DYSF: variants seen among roughly 807,000 people sequenced by gnomAD.
The protein encoded by DYSF is dystrophy-associated fer-1-like 1.
DYSF carries 212 observed loss-of-function variants against 274.9 expected under a neutral mutation model. The ratio of observed to expected loss-of-function variants is 0.77; its 90% CI spans 0.69 to 0.86. The LOEUF (loss-of-function observed/expected upper bound fraction) is 0.86. DYSF is among the 40% of genes least tolerant of loss of function. DYSF has a pLI of 0.00. For missense variants in DYSF, 2,666 were observed against 2,783.2 expected, an observed-to-expected ratio of 0.96 and a Z score of 0.95; for synonymous variants, 1,091 against 1,078.7, an observed-to-expected ratio of 1.01 and a Z score of -0.22.
At chr2:71,507,119 G>C (rs747025838) in intron 4 of DYSF, among the ~76,000 whole-genome samples, 1 of 152,158 alleles carries the variant, frequency 6.6e-6, no homozygotes, top group Non-Finnish European at 1.5e-5. Flanking sequence ...CAGTGCTGAG[G>C]AGCTGGCACT....
At chr2:71,530,060 C>T (rs918735192) in intron 14 of DYSF, among the ~76,000 whole-genome samples, 1 of 152,138 alleles carries the variant, frequency 6.6e-6, no homozygotes, top group Non-Finnish European at 1.5e-5. Context: ...TAAACTCGTT[C>T]ATGTGGAGGT....
At chr2:71,502,121 GTT>G (rs2085042755) in intron 3 of DYSF, among the ~76,000 whole-genome samples, 1 of 136,618 alleles carries the variant, frequency 7.3e-6, no homozygotes. Flanking sequence ...GTGTGTGTGT[GTT>G]TATAATAGCC....
At chr2:71,601,372 A>G in intron 34 of DYSF, 127 bp from the exon 35 acceptor site, 7 of 1,264,452 alleles carry the variant, frequency 5.5e-6, no homozygotes, top group Non-Finnish European at 8.1e-6. Flanking sequence ...CATCCCTTCT[A>G]CCCTCAAGGA....
At chr2:71,606,230 G>A (rs949671880) in intron 36 of DYSF, among the ~76,000 whole-genome samples, 7 of 152,176 alleles carry the variant, frequency 4.6e-5, no homozygotes, top group Non-Finnish European at 8.8e-5. Context: ...TGGTAGGGGA[G>A]AGAGCTTCAC....
intron 41 of DYSF, among the ~76,000 whole-genome samples, chr2:71,630,954 C>T (rs975778251): frequency 2.0e-5 from 3 of 152,148 alleles, no homozygotes; most frequent in Admixed American, 2.0e-4. Flanking sequence ...GGCATTCTTC[C>T]CTGTTGAGGT....
chr2:71,638,991 C>T (rs2094448736), intron 41 of DYSF, among the ~76,000 whole-genome samples: 1 of 152,206 alleles, frequency 6.6e-6, no homozygotes, highest in South Asian at 2.1e-4. Flanking sequence ...TTCACCAACA[C>T]TTATTATCTG....
At chr2:71,685,153 C>T (rs983949752) in intron 55 of DYSF, among the ~76,000 whole-genome samples, 2 of 152,204 alleles carry the variant, frequency 1.3e-5, no homozygotes, top group African/African-American at 4.8e-5. Flanking sequence ...CAGTCACTTC[C>T]AGCCTGTGGT....
chr2:71,636,681 A>G (rs957055376), intron 41 of DYSF, among the ~76,000 whole-genome samples: 3 of 152,206 alleles, frequency 2.0e-5, no homozygotes, highest in Non-Finnish European at 4.4e-5. Context: ...CAGGCTGGAC[A>G]GAGCTCAAGG....
intron 46 of DYSF, 81 bp downstream of exon 46, chr2:71,664,519 A>C: frequency 6.4e-7 from 1 of 1,560,698 alleles, no homozygotes; most frequent in Non-Finnish European, 8.7e-7. Flanking sequence ...ACCACTGAGC[A>C]CTTACTGTGT....
intron 44 of DYSF, 57 bp from the exon 45 acceptor site, chr2:71,660,503 G>T: frequency 2.7e-6 from 4 of 1,461,584 alleles, no homozygotes; most frequent in Non-Finnish European, 3.8e-6. Context: ...CACTCATGAA[G>T]CCTCAAAGAC....
At chr2:71,522,827 GT>G (rs2087445824) in intron 12 of DYSF, among the ~76,000 whole-genome samples, 2 of 152,072 alleles carry the variant, frequency 1.3e-5, no homozygotes, top group Admixed American at 6.6e-5. Context: ...TATCCACTTA[GT>G]CCCCCAAACC....
At chr2:71,647,023 A>C (rs576867106) in intron 42 of DYSF, among the ~76,000 whole-genome samples, 1 of 152,200 alleles carries the variant, frequency 6.6e-6, no homozygotes, top group Non-Finnish European at 1.5e-5. Flanking sequence ...ATATTTATGC[A>C]TAGAATAGTA....
chr2:71,516,895 T>C, intron 9 of DYSF, 94 bp from the exon 10 acceptor site: 2 of 1,115,108 alleles, frequency 1.8e-6, no homozygotes, highest in Non-Finnish European at 2.8e-6. Context: ...TGTGAAGTGT[T>C]GGCAGTTATT....
At chr2:71,486,073 T>C (rs2083334829) in intron 3 of DYSF, among the ~76,000 whole-genome samples, 1 of 152,182 alleles carries the variant, frequency 6.6e-6, no homozygotes, top group Middle Eastern at 3.2e-3. Flanking sequence ...GTTAGGTGGC[T>C]GTGCCTTGCA....
At chr2:71,622,428 C>CTA (rs1402828486) in intron 41 of DYSF, among the ~76,000 whole-genome samples, 3 of 152,142 alleles carry the variant, frequency 2.0e-5, no homozygotes, top group Non-Finnish European at 4.4e-5. Flanking sequence ...TAGTTTCTTT[C>CTA]TAATAGTAAT....
intron 36 of DYSF, among the ~76,000 whole-genome samples, chr2:71,605,765 G>T (rs1374038790): frequency 2.6e-5 from 4 of 152,136 alleles, no homozygotes; most frequent in Non-Finnish European, 5.9e-5. Flanking sequence ...TCCACTGGAA[G>T]GAAAAATTTG....
chr2:71,459,501 G>T (rs1252920493), intron 1 of DYSF, among the ~76,000 whole-genome samples: 4 of 152,160 alleles, frequency 2.6e-5, no homozygotes, highest in South Asian at 2.1e-4. Flanking sequence ...CTGAGGGGGG[G>T]ACACCTGGTC....
chr2:71,468,449 G>A (rs530654308), intron 1 of DYSF, among the ~76,000 whole-genome samples: 1 of 152,300 alleles, frequency 6.6e-6, no homozygotes, highest in South Asian at 2.1e-4. Flanking sequence ...CTTGGAGTGG[G>A]TATTGCCCTT....
At chr2:71,462,745 G>A (rs535458955), upstream of DYSF, among the ~76,000 whole-genome samples, 182 of 152,312 alleles carry the variant, frequency 1.2e-3, no homozygotes, top group Middle Eastern at 3.4e-3. Context: ...ACCCACATAG[G>A]GTAGCTCGTC....
Sources: gnomAD v4.1 joint callset for allele counts (sites outside exome capture counted in the v4.1 genomes callset) on GRCh38, gnomAD v4.1.1 for gene constraint, MANE v1.5 for transcripts, NCBI Gene and HGNC (gene_info 2026-07-23, HGNC 2026-07-21) for gene names.